The following PDZRN4 variants were observed in gnomAD, a reference collection of about 807,000 sequenced individuals.
PDZRN4 encodes the protein PDZ domain containing ring finger 4, also known as PDZ domain-containing RING finger protein 4.
In PDZRN4, 70 loss-of-function variants were observed where a neutral mutation model predicts 99.0. That is an observed-to-expected ratio of 0.71 (90% CI 0.58 to 0.86). The LOEUF (loss-of-function observed/expected upper bound fraction) is 0.86, where lower values mean the gene tolerates loss of function less well. Ranked by LOEUF, PDZRN4 falls within the 40% of genes least tolerant of loss-of-function variation. The pLI is 0.00. For synonymous variants in PDZRN4, 551 were observed against 501.6 expected (o/e 1.10, Z -1.32); for missense variants, 1,474 against 1,331.2 (o/e 1.11, Z -1.67).
chr12:41,404,744 TA>T lies in PDZRN4; in HGVS notation c.844-101701del, dbSNP rs35907714. Among the ~76,000 whole-genome samples the T allele has an allele frequency of 1.3e-3, 191 of 145,374 alleles. 3 individuals are homozygous for T. The highest frequency in any genetic ancestry group is 2.3e-3 in the African/African-American group (90 of 39,708). On this transcript the variant is annotated intron_variant, in intron 3 of 9. Coordinates refer to ENST00000402685, the MANE Select transcript of PDZRN4 (RefSeq NM_001164595.2). ...CACACTACCCAATTTCAAGCTATAC[TA>T]AAAAAAAAAAGAGCATAGTACTGTT...
intron 5 of PDZRN4, among the ~76,000 whole-genome samples, chr12:41,515,796 G>A (rs1362322730): frequency 6.6e-6 from 1 of 151,874 alleles, no homozygotes; most frequent in Non-Finnish European, 1.5e-5. Context: ...TTTGCAGGCT[G>A]TCCTATTCAC....
intron 3 of PDZRN4, among the ~76,000 whole-genome samples, chr12:41,438,378 G>T (rs1174682585): frequency 2.0e-5 from 3 of 152,118 alleles, no homozygotes; most frequent in Non-Finnish European, 4.4e-5. Flanking sequence ...TAAATATTGG[G>T]GTTTAATGGG....
At chr12:41,214,512 C>A (rs1258841444) in intron 3 of PDZRN4, among the ~76,000 whole-genome samples, 1 of 143,398 alleles carries the variant, frequency 7.0e-6, no homozygotes, top group Non-Finnish European at 1.5e-5. Context: ...TCCTCTAGAT[C>A]CGAACCTGAG....
At chr12:41,501,095 C>T (rs927887937) in intron 3 of PDZRN4, among the ~76,000 whole-genome samples, 5 of 152,212 alleles carry the variant, frequency 3.3e-5, no homozygotes, top group South Asian at 4.1e-4. Flanking sequence ...ATTTCAAATT[C>T]GGTTATATCA....
Position 41,413,726 on chromosome 12 carries a change from T to G in PDZRN4, c.844-92730T>G, listed in dbSNP as rs77361504. On this transcript the variant is annotated intron_variant, in intron 3 of 9. Transcript: ENST00000402685. ...GGTGCCCTTATATGTGAGATGAGCC[T>G]TTGAAGACAGCAGATAGCTATGTCT... Among the ~76,000 whole-genome samples the G allele has an allele frequency of 2.6e-4, 39 of 152,296 alleles. No homozygotes were observed. The East Asian group carries it at 7.5e-3, about 29-fold the overall frequency.
At chr12:41,313,008 A>T (rs1197567504) in intron 3 of PDZRN4, among the ~76,000 whole-genome samples, 1 of 152,048 alleles carries the variant, frequency 6.6e-6, no homozygotes, top group Non-Finnish European at 1.5e-5. Context: ...AGCAACATAA[A>T]CTCAGGACAC....
chr12:41,374,526 G>A (rs551314169), intron 3 of PDZRN4, among the ~76,000 whole-genome samples: 18 of 152,270 alleles, frequency 1.2e-4, no homozygotes, highest in Non-Finnish European at 2.2e-4. Flanking sequence ...ATCAGCAAGG[G>A]TTTCAGAGAA....
At chr12:41,325,690 GATCTGTCTCAGTT>G (rs1951704851) in intron 3 of PDZRN4, among the ~76,000 whole-genome samples, 1 of 152,098 alleles carries the variant, frequency 6.6e-6, no homozygotes, top group Non-Finnish European at 1.5e-5. Context: ...TTTAACTATT[GATCTGTCTCAGTT>G]AATGTGATTT....
chr12:41,528,492 C>G (rs956019891), intron 5 of PDZRN4, among the ~76,000 whole-genome samples: 1 of 152,158 alleles, frequency 6.6e-6, no homozygotes, highest in Admixed American at 6.5e-5. Context: ...AATAGAGCAA[C>G]AGCAGGACTT....
At chr12:41,533,813 A>G (rs569674396) in intron 5 of PDZRN4, among the ~76,000 whole-genome samples, 1 of 152,204 alleles carries the variant, frequency 6.6e-6, no homozygotes, top group Non-Finnish European at 1.5e-5. Flanking sequence ...ATAACTATTT[A>G]CAAATTTGTA....
rs77967462 is a variant in PDZRN4, at chr12:41,537,949, G to A, written c.1204-14707G>A. ...GAAAGAACTTCAGGCACTAAACTTGGCAGCTGAAAAGCTTGGCTGCACTCC... is the reference window on the plus strand; with the variant it reads ...GAAAGAACTTCAGGCACTAAACTTGACAGCTGAAAAGCTTGGCTGCACTCC... On this transcript the variant is annotated intron_variant, in intron 5 of 9. Coordinates refer to ENST00000402685, the MANE Select transcript of PDZRN4 (RefSeq NM_001164595.2). Among the ~76,000 whole-genome samples the A allele has an allele frequency of 3.3e-3, 495 of 152,198 alleles. 9 individuals carry two copies. The East Asian group carries it at 0.061, about 19-fold the overall frequency.
At chr12:41,501,749 G>C (rs762267666) in intron 3 of PDZRN4, among the ~76,000 whole-genome samples, 12 of 152,076 alleles carry the variant, frequency 7.9e-5, no homozygotes, top group Admixed American at 3.9e-4. Context: ...ATTTACATGT[G>C]TTTATTACAA....
chr12:41,224,796 C>T (rs1209370408), intron 3 of PDZRN4, among the ~76,000 whole-genome samples: 1 of 152,118 alleles, frequency 6.6e-6, no homozygotes, highest in East Asian at 1.9e-4. Flanking sequence ...GTGGCTATTG[C>T]TAATATTCCA....
At chr12:41,539,536 C>A (rs146759847) in intron 5 of PDZRN4, among the ~76,000 whole-genome samples, 4 of 152,104 alleles carry the variant, frequency 2.6e-5, no homozygotes, top group Non-Finnish European at 5.9e-5. Flanking sequence ...TTATGATGAC[C>A]ACAGGAAAAA....
chr12:41,355,792 G>T (rs1244845230), intron 3 of PDZRN4, among the ~76,000 whole-genome samples: 1 of 151,934 alleles, frequency 6.6e-6, no homozygotes, highest in African/African-American at 2.4e-5. Context: ...TTTGTTTCAT[G>T]CACAGTTATC....
chr12:41,246,713 A>G (rs1216939847), intron 3 of PDZRN4, among the ~76,000 whole-genome samples: 1 of 152,118 alleles, frequency 6.6e-6, no homozygotes, highest in Non-Finnish European at 1.5e-5. Flanking sequence ...CTTCCCATTC[A>G]GTGGGAGTTG....
intron 3 of PDZRN4, among the ~76,000 whole-genome samples, chr12:41,244,231 G>T (rs1591982409): frequency 6.6e-6 from 1 of 151,934 alleles, no homozygotes; most frequent in African/African-American, 2.4e-5. Flanking sequence ...CTTGTCTCCT[G>T]TTCCCACACC....
chr12:41,253,456 G>A (rs1218799312), intron 3 of PDZRN4, among the ~76,000 whole-genome samples: 2 of 152,260 alleles, frequency 1.3e-5, no homozygotes, highest in East Asian at 3.9e-4. Flanking sequence ...TCTCACTCCA[G>A]TTAAAATGGC....
chr12:41,533,017 G>C (rs974806941), intron 5 of PDZRN4, among the ~76,000 whole-genome samples: 2 of 152,050 alleles, frequency 1.3e-5, no homozygotes, highest in African/African-American at 2.4e-5. Flanking sequence ...ACATGCTAAA[G>C]TGTATTGCCT....
Sources: gnomAD v4.1 joint callset for allele counts (sites outside exome capture counted in the v4.1 genomes callset) on GRCh38, gnomAD v4.1.1 for gene constraint, MANE v1.5 for transcripts, NCBI Gene and HGNC (gene_info 2026-07-23, HGNC 2026-07-21) for gene names.